LETM1: variants seen among roughly 807,000 people sequenced by gnomAD.
The protein encoded by LETM1 is mitochondrial proton/calcium exchanger protein.
Under a neutral mutation model 74.5 loss-of-function variants are expected in LETM1, and 50 were observed. The observed-to-expected ratio is 0.67, with a 90% CI of 0.53 to 0.85. The LOEUF is 0.85. LETM1 is among the 40% of genes least tolerant of loss of function. The pLI is 0.00. For missense variants in LETM1, 824 were observed against 967.8 expected, an observed-to-expected ratio of 0.85 and a Z score of 1.97; for synonymous variants, 446 against 407.1, an observed-to-expected ratio of 1.10 and a Z score of -1.15.
At chr4:1,821,595 G>A (rs1332832894) in intron 10 of LETM1, among the ~76,000 whole-genome samples, 1 of 152,168 alleles carries the variant, frequency 6.6e-6, no homozygotes, top group African/African-American at 2.4e-5. Context: ...GGCTGAGGCA[G>A]AAGAGTTGCT....
rs5855720 is a variant in LETM1 at position 1,812,364 on chromosome 4, CAAAAAAAAAAAAA to C, written c.*2047_*2059del. The C allele has an allele frequency of 4.3e-4, 18 of 42,074 alleles. No homozygotes were observed. Among genetic ancestry groups the C allele is most frequent in the Admixed American group, 1.2e-3 (3 of 2,608 alleles). 2.6% of individuals were successfully genotyped at this position (42,074 alleles called of 1,614,324 possible). A position where few individuals can be genotyped will look rare whatever the true frequency, so the allele number is the denominator to read the frequency against. Reference sequence around the variant, plus strand: ...TGGGTGACAGAGCGAGACTCTGTATCAAAAAAAAAAAAAAAAAAAAAAAAAAGTGAGTGCTTAG... The same window carrying C: ...TGGGTGACAGAGCGAGACTCTGTATCAAAAAAAAAAAAAGTGAGTGCTTAG... On this transcript the variant is annotated 3_prime_UTR_variant, in exon 14 of 14. Transcript: ENST00000302787.
At chr4:1,851,968 T>C (rs1178161278) in intron 1 of LETM1, among the ~76,000 whole-genome samples, 1 of 152,154 alleles carries the variant, frequency 6.6e-6, no homozygotes, top group Non-Finnish European at 1.5e-5. Flanking sequence ...CCGTTCGGGG[T>C]GATGGGGATC....
chr4:1,845,195 C>A (rs1357888135), intron 2 of LETM1, among the ~76,000 whole-genome samples: 1 of 151,984 alleles, frequency 6.6e-6, no homozygotes. Flanking sequence ...GTCCCCCGCA[C>A]CCCCCGAAAA....
intron 1 of LETM1, among the ~76,000 whole-genome samples, chr4:1,854,331 T>C (rs1246188783): frequency 2.0e-5 from 3 of 149,526 alleles, no homozygotes; most frequent in Non-Finnish European, 4.4e-5. Context: ...AATACAAAAA[T>C]TAGCCAGGCA....
At chr4:1,855,450 G>C (rs1475553779) in intron 1 of LETM1, among the ~76,000 whole-genome samples, 1 of 152,232 alleles carries the variant, frequency 6.6e-6, no homozygotes, top group Non-Finnish European at 1.5e-5. Context: ...GGCTCCTGCA[G>C]CCCAGCAGGT....
At chr4:1,821,019 C>T (rs1560478904) in intron 10 of LETM1, among the ~76,000 whole-genome samples, 1 of 151,916 alleles carries the variant, frequency 6.6e-6, no homozygotes, top group African/African-American at 2.4e-5. Flanking sequence ...GAGATCCCAC[C>T]TCAAAAGAAA....
intron 6 of LETM1, 31 bp downstream of exon 6, chr4:1,832,713 G>C (rs369592462): frequency 1.2e-6 from 2 of 1,600,946 alleles, no homozygotes; most frequent in Non-Finnish European, 1.7e-6. Flanking sequence ...TAAAACACCA[G>C]AGCTGTGGCG....
Position 1,836,689 on chromosome 4 carries a change from G to A in LETM1, c.595-117C>T. On this transcript the variant is annotated intron_variant, in intron 3 of 13. Transcript: ENST00000302787. This position sits in a 1 kb window ranked among gnomAD's most constrained non-coding sequence, Gnocchi z 5.8. ...CACAACCTCAGGCAGCGACTCACAGGACCCACTGAGGACTCTAAGTTCCAG... is the reference window on the plus strand; with the variant it reads ...CACAACCTCAGGCAGCGACTCACAGAACCCACTGAGGACTCTAAGTTCCAG... 1 of 1,074,016 alleles carries A rather than the reference G, an allele frequency of 9.3e-7. No homozygotes were observed. Among genetic ancestry groups the A allele is most frequent in the East Asian group, 2.5e-5 (1 of 39,662 alleles). The allele number at this position is 1,074,016 out of a possible 1,614,324, so 66.5% of individuals were successfully genotyped here. A position where few individuals can be genotyped will look rare whatever the true frequency, so the allele number is the denominator to read the frequency against.
chr4:1,830,444 C>T (rs1712225450), intron 6 of LETM1, among the ~76,000 whole-genome samples: 1 of 152,202 alleles, frequency 6.6e-6, no homozygotes. Flanking sequence ...AATCCTCCTG[C>T]CTCAGCCTCC....
chr4:1,841,686 TCTCGACACTATGCGAAGGCACTC>T lies in LETM1; in HGVS notation c.232_254del (p.Glu78SerfsTer32). The T allele has an allele frequency of 6.2e-7, 1 of 1,614,140 alleles. No individual in the cohort carries two copies. The highest frequency in any genetic ancestry group is 8.5e-7 in the Non-Finnish European group (1 of 1,180,024). On this transcript the variant is annotated frameshift_variant, in exon 3 of 14. Coordinates refer to ENST00000302787, the MANE Select transcript of LETM1 (RefSeq NM_012318.3). LOFTEE classifies it high-confidence loss of function. The stretch of plus-strand genomic sequence containing the variant: ...CCACAGAGGTAGAGGTCCATGGCGC[TCTCGACACTATGCGAAGGCACTC>T]GGGCCTCAGAGCCCAACAGCCGAGG...
At chr4:1,849,515 G>C (rs191142462) in intron 1 of LETM1, among the ~76,000 whole-genome samples, 1 of 152,188 alleles carries the variant, frequency 6.6e-6, no homozygotes, top group Non-Finnish European at 1.5e-5. Flanking sequence ...TGATCCGCCC[G>C]CCTTGGCCTC....
Position 1,834,604 on chromosome 4 carries a change from G to A in LETM1, c.876+241C>T. On this transcript the variant is annotated intron_variant, in intron 5 of 13. Coordinates refer to ENST00000302787, the MANE Select transcript of LETM1 (RefSeq NM_012318.3). This position sits in a 1 kb window ranked among gnomAD's most constrained non-coding sequence, Gnocchi z 5.0. Reference sequence around the variant, plus strand: ...CTCCTGGACAGCTGCAGGGTGATGAGACACAGACGCCCATAATTCTGAAGG... The same window carrying A: ...CTCCTGGACAGCTGCAGGGTGATGAAACACAGACGCCCATAATTCTGAAGG... 7.4e-7 allele frequency: 1 copy of A among 1,342,918 alleles called. No individual in the cohort carries two copies. The highest frequency in any genetic ancestry group is 9.6e-7 in the Non-Finnish European group (1 of 1,045,418). The allele number at this position is 1,342,918 out of a possible 1,614,324, so 83.2% of individuals were successfully genotyped here. A position where few individuals can be genotyped will look rare whatever the true frequency, so the allele number is the denominator to read the frequency against.
chr4:1,834,500 C>G lies in LETM1; in HGVS notation c.876+345G>C. 9.3e-7 allele frequency: 1 copy of G among 1,079,470 alleles called. No homozygotes were observed. The highest frequency in any genetic ancestry group is 1.1e-6 in the Non-Finnish European group (1 of 888,072). The allele number at this position is 1,079,470 out of a possible 1,614,324, so 66.9% of individuals were successfully genotyped here. A position where few individuals can be genotyped will look rare whatever the true frequency, so the allele number is the denominator to read the frequency against. ...GACTGACTCCAGCCAGAGGGCAATG[C>G]CCAGCAGAGGAGCCCGGCCAAGCCA... is the stretch of plus-strand genomic sequence containing the variant. On this transcript the variant is annotated intron_variant, in intron 5 of 13. Coordinates refer to ENST00000302787, the MANE Select transcript of LETM1 (RefSeq NM_012318.3). The surrounding 1 kb of genome is among the most constrained non-coding windows in gnomAD (Gnocchi z 5.0).
Position 1,836,281 on chromosome 4 carries a change from C to A in LETM1, c.738+148G>T. 1.5e-6 allele frequency: 1 copy of A among 654,716 alleles called. No homozygotes were observed. Among genetic ancestry groups the A allele is most frequent in the African/African-American group, 1.8e-5 (1 of 54,980 alleles). 40.6% of individuals were successfully genotyped at this position (654,716 alleles called of 1,614,324 possible). A position where few individuals can be genotyped will look rare whatever the true frequency, so the allele number is the denominator to read the frequency against. ...AGAAACAAATCCAAAACCCAGCATC[C>A]ACTAAATAATTATTGCACAGCACAA... On this transcript the variant is annotated intron_variant, in intron 4 of 13. Coordinates refer to ENST00000302787, the MANE Select transcript of LETM1 (RefSeq NM_012318.3). The surrounding 1 kb of genome is among the most constrained non-coding windows in gnomAD (Gnocchi z 5.8).
chr4:1,840,800 G>A (rs1300845695), intron 3 of LETM1, among the ~76,000 whole-genome samples: 1 of 152,044 alleles, frequency 6.6e-6, no homozygotes, highest in Non-Finnish European at 1.5e-5. Context: ...CTGGTAGGGG[G>A]CACCTTGGGG....
intron 10 of LETM1, among the ~76,000 whole-genome samples, chr4:1,821,426 C>T (rs1189909602): frequency 6.6e-6 from 1 of 151,430 alleles, no homozygotes; most frequent in Non-Finnish European, 1.5e-5. Flanking sequence ...TGGTGGCTCA[C>T]ACCTGTAATC....
At chr4:1,814,614 C>G (rs1722556163) in intron 13 of LETM1, 41 bp from the exon 14 acceptor site, 3 of 1,573,918 alleles carry the variant, frequency 1.9e-6, no homozygotes, top group South Asian at 1.1e-5. Context: ...TGGCTGCGCC[C>G]TACAGCACAG....
intron 1 of LETM1, among the ~76,000 whole-genome samples, chr4:1,849,830 G>A (rs1354290087): frequency 6.6e-6 from 1 of 152,122 alleles, no homozygotes; most frequent in Non-Finnish European, 1.5e-5. Flanking sequence ...TTACAGGCGT[G>A]AGCCACCACT....
chr4:1,840,920 CTG>C (rs1281736260), intron 3 of LETM1, among the ~76,000 whole-genome samples: 4 of 152,172 alleles, frequency 2.6e-5, no homozygotes, highest in Admixed American at 1.3e-4. Context: ...ATGTTGATGA[CTG>C]TTGTGGTGGA....
Sources: allele counts gnomAD v4.1 joint callset (sites outside exome capture counted in the v4.1 genomes callset), GRCh38; gene constraint gnomAD v4.1.1; non-coding constraint Gnocchi (gnomAD v3.1); transcripts MANE v1.5; gene names NCBI Gene and HGNC (gene_info 2026-07-23, HGNC 2026-07-21).